Variants in FOXK1 observed in about 807,000 individuals in gnomAD.
FOXK1 encodes the protein forkhead box protein K1.
A neutral mutation model predicts 51.9 loss-of-function variants in FOXK1; 19 were observed. The ratio of observed to expected loss-of-function variants is 0.37; its 90% confidence interval spans 0.26 to 0.54. The LOEUF is 0.54. Among genes scored for constraint, FOXK1 ranks in the 20% least tolerant of loss-of-function variants. The pLI, the probability that FOXK1 is intolerant of heterozygous loss-of-function variation, is 0.87. For missense variants in FOXK1, 870 were observed against 1,032.7 expected (o/e 0.84, Z 2.16); for synonymous variants, 537 against 482.6 (o/e 1.11, Z -1.48).
At chr7:4,690,318 G>T (rs1287536112) in intron 1 of FOXK1, among the ~76,000 whole-genome samples, 2 of 152,256 alleles carry the variant, frequency 1.3e-5, no homozygotes, top group Admixed American at 6.5e-5. Flanking sequence ...CAGTCCGGTT[G>T]TATCTTGATA....
chr7:4,684,562 GT>G (rs773890717), intron 1 of FOXK1, among the ~76,000 whole-genome samples: 34 of 152,116 alleles, frequency 2.2e-4, no homozygotes, highest in Non-Finnish European at 4.0e-4. Flanking sequence ...ATATTAGTGT[GT>G]TCTCTCTCTT....
chr7:4,738,418 C>A (rs1185895968), intron 1 of FOXK1, among the ~76,000 whole-genome samples: 8 of 145,754 alleles, frequency 5.5e-5, no homozygotes, highest in African/African-American at 1.8e-4. Flanking sequence ...GCCCGGATGA[C>A]AGAGCAAGAC....
In FOXK1 at chr7:4,762,834, G is replaced by A. The variant is rs530113203; in HGVS notation, c.*370G>A. On this transcript the variant is annotated 3_prime_UTR_variant, in exon 9 of 9. Transcript: ENST00000328914. The surrounding 1 kb of genome is among the most constrained non-coding windows in gnomAD (Gnocchi z 5.7). ...TCCGCTCCGCGCTGCACGGCCAGCCGCCTTTGTCCGGGAGGACAGACAGAA... is the reference window on the plus strand; with the variant it reads ...TCCGCTCCGCGCTGCACGGCCAGCCACCTTTGTCCGGGAGGACAGACAGAA... 3.8e-4 allele frequency: 80 copies of A among 208,180 alleles called. No individual in the cohort carries two copies. The East Asian group carries it at 8.0e-3, about 21-fold the overall frequency. 12.9% of individuals were successfully genotyped at this position (208,180 alleles called of 1,614,324 possible).
Position 4,768,174 on chromosome 7 carries a change from C to T in FOXK1, c.*5710C>T, listed in dbSNP as rs1258834169. 1 of 128,160 alleles carries T rather than the reference C, an allele frequency of 7.8e-6. No homozygotes were observed. The highest frequency in any genetic ancestry group is 1.5e-5 in the Non-Finnish European group (1 of 65,192). 7.9% of individuals were successfully genotyped at this position (128,160 alleles called of 1,614,324 possible). On this transcript the variant is annotated 3_prime_UTR_variant, in exon 9 of 9. Coordinates refer to ENST00000328914, the MANE Select transcript of FOXK1 (RefSeq NM_001037165.2). ...TTGAGACGGAGTCTCGCTCTGTCGC[C>T]CAGGCTGGAGTGCAGTGGCGTGATC...
Position 4,723,968 on chromosome 7 carries a change from G to C in FOXK1, c.561-16870G>C, listed in dbSNP as rs552085087. ...TTACAGGCGTGCACCTCTGTGCTCGGCCCATTCGATTTTTAAAACCTTAAA... is the reference window on the plus strand; with the variant it reads ...TTACAGGCGTGCACCTCTGTGCTCGCCCCATTCGATTTTTAAAACCTTAAA... On this transcript the variant is annotated intron_variant, in intron 1 of 8. Transcript: ENST00000328914. The surrounding 1 kb of genome is among the most constrained non-coding windows in gnomAD (Gnocchi z 4.7). Among the ~76,000 whole-genome samples, 66 of 151,030 alleles carry C rather than the reference G, an allele frequency of 4.4e-4. No homozygotes were observed. The highest frequency in any genetic ancestry group is 1.6e-3 in the African/African-American group (66 of 40,684).
chr7:4,738,081 C>T (rs567953905), intron 1 of FOXK1, among the ~76,000 whole-genome samples: 1 of 149,834 alleles, frequency 6.7e-6, no homozygotes, highest in South Asian at 2.1e-4. Context: ...AAGATTGCGC[C>T]ATTGCACTCC....
rs1411666898 is a variant in FOXK1, at chr7:4,740,874, C to A, written c.597C>A (p.Ile199=). 1 of 1,597,382 alleles carries A rather than the reference C, an allele frequency of 6.3e-7. No homozygotes were observed. The highest frequency in any genetic ancestry group is 1.7e-5 in the Admixed American group (1 of 57,626). ...TFRFPSTAIK[I]QFTSLYHKEE... ...GGTTTCCCAGCACGGCCATCAAGATCCAGTTCACGTCGCTCTATCACAAAG... is the reference window on the plus strand; with the variant it reads ...GGTTTCCCAGCACGGCCATCAAGATACAGTTCACGTCGCTCTATCACAAAG... Residue 199 remains isoleucine, a synonymous_variant, in exon 2 of 9, where the codon ATC becomes ATA. Coordinates refer to ENST00000328914, the MANE Select transcript of FOXK1 (RefSeq NM_001037165.2).
rs575246752 is a variant in FOXK1, at chr7:4,758,834, A to G, written c.1245-217A>G. On this transcript the variant is annotated intron_variant, in intron 5 of 8. Transcript: ENST00000328914. This position sits in a 1 kb window ranked among gnomAD's most constrained non-coding sequence, Gnocchi z 4.4. The stretch of plus-strand genomic sequence containing the variant: ...ACCTCACATGATACCGTCCCCTCTC[A>G]TGGAACGGAGCCTCCCCCATGCAGC... The G allele has an allele frequency of 1.2e-4, 70 of 580,316 alleles. No homozygotes were observed. Among genetic ancestry groups the G allele is most frequent in the African/African-American group, 1.1e-3 (57 of 52,640 alleles). The allele number at this position is 580,316 out of a possible 1,614,324, so 35.9% of individuals were successfully genotyped here.
Position 4,766,875 on chromosome 7 carries a change from G to C in FOXK1, c.*4411G>C, listed in dbSNP as rs1781019085. 2 of 152,240 alleles carry C rather than the reference G, an allele frequency of 1.3e-5. No homozygotes were observed. The highest frequency in any genetic ancestry group is 4.8e-5 in the African/African-American group (2 of 41,478). 9.4% of individuals were successfully genotyped at this position (152,240 alleles called of 1,614,324 possible). On this transcript the variant is annotated 3_prime_UTR_variant, in exon 9 of 9. Transcript: ENST00000328914. The surrounding 1 kb of genome is among the most constrained non-coding windows in gnomAD (Gnocchi z 5.5). ...CCCGGGTGAGGGCTCCGTCTTGAGA[G>C]AGAGAGAAATCCCTTCTTTGGGCGA...
At chr7:4,698,829 T>C (rs1779984317) in intron 1 of FOXK1, among the ~76,000 whole-genome samples, 1 of 152,028 alleles carries the variant, frequency 6.6e-6, no homozygotes. Context: ...ACTGGAACTA[T>C]AGGCCTGCGT....
intron 1 of FOXK1, among the ~76,000 whole-genome samples, chr7:4,737,757 C>T (rs1473974802): frequency 6.6e-6 from 1 of 152,188 alleles, no homozygotes; most frequent in East Asian, 1.9e-4. Context: ...TGGATGTCGG[C>T]TCTGGGACCC....
rs887918534 is a variant in FOXK1, at chr7:4,733,431, G to C, written c.561-7407G>C. Among the ~76,000 whole-genome samples, 1 of 152,166 alleles carries C rather than the reference G, an allele frequency of 6.6e-6. No individual in the cohort carries two copies. Among genetic ancestry groups the C allele is most frequent in the East Asian group, 1.9e-4 (1 of 5,190 alleles). On this transcript the variant is annotated intron_variant, in intron 1 of 8. Coordinates refer to ENST00000328914, the MANE Select transcript of FOXK1 (RefSeq NM_001037165.2). The surrounding 1 kb of genome is among the most constrained non-coding windows in gnomAD (Gnocchi z 5.0). The stretch of plus-strand genomic sequence containing the variant: ...GCAGTGTGCCTTTATGGTCCACTGT[G>C]GCTGCTCGGCTCCTGCCATCACAGC...
Position 4,740,848 on chromosome 7 carries a change from C to T in FOXK1, c.571C>T (p.Arg191Trp), listed in dbSNP as rs1780624391. ...ALQLPKQCTF[R>W]FPSTAIKIQF... ...CTCCTCCTGTTGCAGGTGTACCTTC[C>T]GGTTTCCCAGCACGGCCATCAAGAT... The change falls in exon 2 of 9, where the codon CGG becomes TGG. Residue 191 changes from arginine (R) to tryptophan (W), a missense_variant. Coordinates refer to ENST00000328914, the MANE Select transcript of FOXK1 (RefSeq NM_001037165.2). 2.5e-6 allele frequency: 4 copies of T among 1,593,288 alleles called. No individual in the cohort carries two copies. Among genetic ancestry groups the T allele is most frequent in the South Asian group, 1.1e-5 (1 of 87,770 alleles).
rs1429866471 is a variant in FOXK1, at chr7:4,740,987, T to C, written c.710T>C (p.Met237Thr). The change falls in exon 2 of 9, where the codon ATG (methionine) becomes ACG (threonine). Residue 237 changes from methionine (M) to threonine (T), a missense_variant. Met to Thr is a moderately conservative substitution (Grantham distance 81). Coordinates refer to ENST00000328914, the MANE Select transcript of FOXK1 (RefSeq NM_001037165.2). Reference sequence around the variant, plus strand: ...ATCCCGGAGCCGGACCTCCGGAGCATGGTCAGCCCCGTCCCCTCCCCGACG... The same window carrying C: ...ATCCCGGAGCCGGACCTCCGGAGCACGGTCAGCCCCGTCCCCTCCCCGACG... The part of the protein sequence containing the change: ...IHIPEPDLRS[M>T]VSPVPSPTGT... The C allele has an allele frequency of 5.1e-6, 8 of 1,555,354 alleles. No individual in the cohort carries two copies. Among genetic ancestry groups the C allele is most frequent in the African/African-American group, 1.4e-5 (1 of 70,796 alleles).
rs10245263 is a variant in FOXK1 at position 4,749,510 on chromosome 7, G to A, written c.747-4949G>A. On this transcript the variant is annotated intron_variant, in intron 2 of 8. Transcript: ENST00000328914. The surrounding 1 kb of genome is among the most constrained non-coding windows in gnomAD (Gnocchi z 6.0). ...GCCGCCTTGGGACGCAAAGGTCATCGCAGACCCCCGCAGCCTTCTCGCCCC... is the reference window on the plus strand; with the variant it reads ...GCCGCCTTGGGACGCAAAGGTCATCACAGACCCCCGCAGCCTTCTCGCCCC... Among the ~76,000 whole-genome samples the A allele has an allele frequency of 0.071, 10,793 of 152,236 alleles. 690 individuals carry two copies. Among genetic ancestry groups the A allele is most frequent in the African/African-American group, 0.17 (7,010 of 41,528 alleles).
Position 4,755,222 on chromosome 7 carries a change from CGT to C in FOXK1, c.904-12_904-11del, listed in dbSNP as rs781763771. 5.9e-5 allele frequency: 95 copies of C among 1,612,564 alleles called. No homozygotes were observed. The highest frequency in any genetic ancestry group is 7.7e-5 in the Non-Finnish European group (91 of 1,179,362). On this transcript the variant is annotated splice_polypyrimidine_tract_variant and intron_variant, in intron 3 of 8. Coordinates refer to ENST00000328914, the MANE Select transcript of FOXK1 (RefSeq NM_001037165.2). This position sits in a 1 kb window ranked among gnomAD's most constrained non-coding sequence, Gnocchi z 6.6. ...CCTTGCTGGAGCTCATCCCGTGAGCCGTGTTTCTCCGCAGGATGAGTCAAAGC... is the reference window on the plus strand; with the variant it reads ...CCTTGCTGGAGCTCATCCCGTGAGCCGTTTCTCCGCAGGATGAGTCAAAGC...
intron 1 of FOXK1, among the ~76,000 whole-genome samples, chr7:4,692,990 A>G (rs1056578865): frequency 3.3e-5 from 5 of 151,742 alleles, no homozygotes; most frequent in African/African-American, 1.2e-4. Context: ...CCTCTGCTAT[A>G]ATATCCTTAA....
chr7:4,700,295 A>G (rs1780005149), intron 1 of FOXK1, among the ~76,000 whole-genome samples: 1 of 152,244 alleles, frequency 6.6e-6, no homozygotes, highest in South Asian at 2.1e-4. Flanking sequence ...ATTTGTGGGC[A>G]AAATGAATAA....
Position 4,711,276 on chromosome 7 carries a change from G to C in FOXK1, c.560+28408G>C, listed in dbSNP as rs555708874. 7.5e-4 allele frequency among the ~76,000 whole-genome samples: 114 copies of C among 152,294 alleles called. 1 individual carries two copies. Among genetic ancestry groups the C allele is most frequent in the African/African-American group, 2.6e-3 (109 of 41,564 alleles). On this transcript the variant is annotated intron_variant, in intron 1 of 8. Coordinates refer to ENST00000328914, the MANE Select transcript of FOXK1 (RefSeq NM_001037165.2). The surrounding 1 kb of genome is among the most constrained non-coding windows in gnomAD (Gnocchi z 6.3). The stretch of plus-strand genomic sequence containing the variant: ...TGTTTTCACAGGGTGGGAAGGCTGA[G>C]TGTCCTGGGAAGCGTCCATGGGATG...
Sources: gnomAD v4.1 joint callset for allele counts (sites outside exome capture counted in the v4.1 genomes callset) on GRCh38, gnomAD v4.1.1 for gene constraint, Gnocchi (gnomAD v3.1) non-coding constraint, MANE v1.5 for transcripts, NCBI Gene and HGNC (gene_info 2026-07-23, HGNC 2026-07-21) for gene names.